Variants in CSMD1 observed in about 807,000 individuals in gnomAD.
CSMD1 encodes CUB and Sushi multiple domains 1.
A neutral mutation model predicts 417.5 loss-of-function variants in CSMD1; 213 were observed. The observed-to-expected ratio is 0.51, with a 90% CI of 0.46 to 0.57. CSMD1 has a LOEUF of 0.57. Ranked by LOEUF, CSMD1 falls within the 20% of genes least tolerant of loss-of-function variation. The pLI, the probability that CSMD1 is intolerant of heterozygous loss-of-function variation, is 0.00. For missense variants in CSMD1, 6,923 were observed against 4,529.7 expected (o/e 1.53, Z -15.17); for synonymous variants, 2,862 against 1,736.8 (o/e 1.65, Z -16.11).
At chr8:3,303,725 C>CA (rs1480157300) in intron 25 of CSMD1, among the ~76,000 whole-genome samples, 1 of 152,150 alleles carries the variant, frequency 6.6e-6, no homozygotes, top group Admixed American at 6.6e-5. Flanking sequence ...ACTTTTGTTA[C>CA]ATAAAGCAAA....
Position 4,107,388 on chromosome 8 carries a change from A to G in CSMD1, c.416-75289T>C, listed in dbSNP as rs118042449. Among the ~76,000 whole-genome samples, 1,167 of 152,320 alleles carry G rather than the reference A, an allele frequency of 7.7e-3. 4 individuals are homozygous for G. The highest frequency in any genetic ancestry group is 0.011 in the Non-Finnish European group (780 of 68,028). On this transcript the variant is annotated intron_variant, in intron 3 of 69. Transcript: ENST00000635120. ...TAGAGGATAAAGTCCTCTCTATACAAAAATCACTCGCTCCACAGCAGAAAA... is the reference window on the plus strand; with the variant it reads ...TAGAGGATAAAGTCCTCTCTATACAGAAATCACTCGCTCCACAGCAGAAAA...
At chr8:3,972,457 C>T (rs955535240) in intron 5 of CSMD1, among the ~76,000 whole-genome samples, 4 of 152,118 alleles carry the variant, frequency 2.6e-5, no homozygotes, top group African/African-American at 9.7e-5. Context: ...ACAGTGATTC[C>T]TTGGCTTCTT....
chr8:4,383,926 G>A (rs140126667), intron 3 of CSMD1, among the ~76,000 whole-genome samples: 11 of 152,170 alleles, frequency 7.2e-5, no homozygotes, highest in East Asian at 1.9e-4. Flanking sequence ...ATATGATACC[G>A]TGAAGAAAAA....
At chr8:3,950,889 A>C (rs369874856) in intron 5 of CSMD1, among the ~76,000 whole-genome samples, 12 of 152,334 alleles carry the variant, frequency 7.9e-5, no homozygotes, top group African/African-American at 2.9e-4. Flanking sequence ...TCTTTCAAAG[A>C]ATACTTAATA....
intron 41 of CSMD1, among the ~76,000 whole-genome samples, chr8:3,124,534 T>C (rs1295131720): frequency 1.3e-5 from 2 of 152,174 alleles, no homozygotes; most frequent in Non-Finnish European, 2.9e-5. Flanking sequence ...TAGTATGTGT[T>C]CTAAACATAG....
intron 2 of CSMD1, among the ~76,000 whole-genome samples, chr8:4,510,534 T>C (rs1258910564): frequency 1.3e-5 from 2 of 151,188 alleles, no homozygotes; most frequent in Non-Finnish European, 2.9e-5. Context: ...GTCTCTTCCC[T>C]ACTCAAAGCA....
intron 1 of CSMD1, among the ~76,000 whole-genome samples, chr8:4,789,557 T>G (rs1259894102): frequency 6.6e-6 from 1 of 152,180 alleles, no homozygotes; most frequent in Non-Finnish European, 1.5e-5. Flanking sequence ...CCACCAAAGC[T>G]TTTGTTCACA....
intron 5 of CSMD1, among the ~76,000 whole-genome samples, chr8:3,807,292 G>A (rs1238465614): frequency 2.6e-5 from 4 of 152,194 alleles, no homozygotes; most frequent in African/African-American, 9.6e-5. Flanking sequence ...TATACCGCAT[G>A]CCAGCAAAAT....
At chr8:4,416,436 A>G (rs902608285) in intron 3 of CSMD1, among the ~76,000 whole-genome samples, 2 of 152,134 alleles carry the variant, frequency 1.3e-5, no homozygotes, top group East Asian at 1.9e-4. Flanking sequence ...ATATTTTAGA[A>G]AACATTTGAA....
intron 3 of CSMD1, among the ~76,000 whole-genome samples, chr8:4,251,114 C>G (rs989628064): frequency 6.6e-6 from 1 of 151,966 alleles, no homozygotes; most frequent in South Asian, 2.1e-4. Flanking sequence ...CTGAAGGCTA[C>G]CTATAAATCA....
At chr8:4,500,907 G>C (rs1802228849) in intron 2 of CSMD1, among the ~76,000 whole-genome samples, 1 of 152,120 alleles carries the variant, frequency 6.6e-6, no homozygotes, top group African/African-American at 2.4e-5. Context: ...AAAGGTGTTT[G>C]TATAACCAGT....
chr8:3,046,292 G>C (rs1295417233), intron 50 of CSMD1, among the ~76,000 whole-genome samples: 1 of 152,124 alleles, frequency 6.6e-6, no homozygotes, highest in South Asian at 2.1e-4. Flanking sequence ...TGTTTCAGAG[G>C]CAGGGCTTGG....
intron 1 of CSMD1, among the ~76,000 whole-genome samples, chr8:4,871,146 A>G (rs1031611): frequency 0.9 from 136,543 of 152,178 alleles, 62,614 homozygotes; most frequent in Non-Finnish European, 0.98. Context: ...ATGAGAATCT[A>G]GGGAAGGCAA....
At chr8:4,787,846 T>C (rs1797489187) in intron 1 of CSMD1, 11 of 1,569,716 alleles carry the variant, frequency 7.0e-6, no homozygotes, top group Admixed American at 6.8e-5. Flanking sequence ...GCTGGAGAAA[T>C]CCTGGTTGCC....
At chr8:3,247,343 C>A (rs765026948) in intron 26 of CSMD1, among the ~76,000 whole-genome samples, 2 of 152,164 alleles carry the variant, frequency 1.3e-5, no homozygotes, top group Non-Finnish European at 2.9e-5. Context: ...CTCCTGGCCC[C>A]CTCCCCGCCT....
rs192600085 is a variant in CSMD1 at position 4,905,196 on chromosome 8, G to C, written c.85+89136C>G. 2.0e-3 allele frequency among the ~76,000 whole-genome samples: 303 copies of C among 152,080 alleles called. 1 individual carries two copies. The highest frequency in any genetic ancestry group is 7.1e-3 in the African/African-American group (295 of 41,492). On this transcript the variant is annotated intron_variant, in intron 1 of 69. Coordinates refer to ENST00000635120, the MANE Select transcript of CSMD1 (RefSeq NM_033225.6). ...ATCTCTGAAAAAAAAAGTTATATTT[G>C]ATATCTCATCTGTGATTTTCATACA...
intron 1 of CSMD1, among the ~76,000 whole-genome samples, chr8:4,959,918 C>A (rs1237558686): frequency 6.6e-6 from 1 of 152,140 alleles, no homozygotes; most frequent in Non-Finnish European, 1.5e-5. Flanking sequence ...TCCCTATTTT[C>A]TGCTCTACAC....
rs750223758 is a variant in CSMD1 at position 3,110,163 on chromosome 8, A to C, written c.6603T>G (p.Ala2201=). Residue 2201 remains alanine (A), a synonymous_variant, in exon 43 of 70, where the codon GCT becomes GCG. Transcript: ENST00000635120. ...LQTEAVNDYI[A]VWDGPDQNSP... is the part of the protein sequence containing the mutation. ...GACTTGAGAGGTTCTCATACCAAAC[A>C]GCAATGTAATCGTTGACAGCTTCCG... 6.2e-7 allele frequency: 1 copy of C among 1,604,178 alleles called. No individual in the cohort carries two copies. The highest frequency in any genetic ancestry group is 1.1e-5 in the South Asian group (1 of 89,172).
At chr8:3,608,652 T>G (rs1034681803) in intron 8 of CSMD1, among the ~76,000 whole-genome samples, 5 of 151,452 alleles carry the variant, frequency 3.3e-5, no homozygotes, top group Admixed American at 2.6e-4. Flanking sequence ...TAATCCCAGC[T>G]ACTCAGGAGG....
Sources: allele counts gnomAD v4.1 joint callset (sites outside exome capture counted in the v4.1 genomes callset), GRCh38; gene constraint gnomAD v4.1.1; transcripts MANE v1.5; gene names NCBI Gene and HGNC (gene_info 2026-07-23, HGNC 2026-07-21).